The following SETBP1 variants were observed in gnomAD, a reference collection of about 807,000 sequenced individuals.
SETBP1 encodes SET binding protein 1, also known as SET-binding protein.
SETBP1 carries 9 observed loss-of-function variants against 101.0 expected under a neutral mutation model. The observed-to-expected ratio is 0.09, with a 90% CI of 0.05 to 0.16. SETBP1 has a LOEUF of 0.16. Ranked by LOEUF, SETBP1 falls within the 10% of genes least tolerant of loss-of-function variation. SETBP1 has a pLI of 1.00. For missense variants in SETBP1, 1,858 were observed against 2,033.8 expected, an observed-to-expected ratio of 0.91 and a Z score of 1.66; for synonymous variants, 818 against 788.5, an observed-to-expected ratio of 1.04 and a Z score of -0.63.
intron 2 of SETBP1, among the ~76,000 whole-genome samples, chr18:44,709,630 C>G (rs2069296596): frequency 6.6e-6 from 1 of 152,086 alleles, no homozygotes; most frequent in South Asian, 2.1e-4. Flanking sequence ...TGGCATCTCT[C>G]CCTGCGGACC....
rs150150255 is a variant in SETBP1 at position 45,031,387 on chromosome 18, A to G, written c.4001-7098A>G. ...GAAACATTATTTTCTGTTTACCCCA[A>G]TATGTAAACTCCTTTAATCCACACA... On this transcript the variant is annotated intron_variant, in intron 4 of 5. Coordinates refer to ENST00000649279, the MANE Select transcript of SETBP1 (RefSeq NM_015559.3). 4.3e-4 allele frequency among the ~76,000 whole-genome samples: 66 copies of G among 152,312 alleles called. No individual in the cohort carries two copies. The East Asian group carries it at 0.012, about 28-fold the overall frequency.
At chr18:44,800,029 AC>A (rs2071570892) in intron 2 of SETBP1, among the ~76,000 whole-genome samples, 1 of 152,140 alleles carries the variant, frequency 6.6e-6, no homozygotes, top group African/African-American at 2.4e-5. Context: ...TTCATGACTG[AC>A]AAATCATTCC....
At chr18:44,746,625 A>G (rs1461737610) in intron 2 of SETBP1, among the ~76,000 whole-genome samples, 1 of 152,248 alleles carries the variant, frequency 6.6e-6, no homozygotes, top group Non-Finnish European at 1.5e-5. Context: ...TGCTCAGAAC[A>G]TGCAAGGCAT....
intron 2 of SETBP1, among the ~76,000 whole-genome samples, chr18:44,835,879 C>T (rs1345829861): frequency 1.3e-5 from 2 of 152,210 alleles, no homozygotes; most frequent in African/African-American, 4.8e-5. Flanking sequence ...GGCAAAAACT[C>T]CTAGAGTAAG....
rs562039477 is a variant in SETBP1, at chr18:44,810,512, T to C, written c.487-58718T>C. ...TTCACAGTCAGATTCAAGTAACATT[T>C]GAATAATGGAACCCCCAAACAGCAT... On this transcript the variant is annotated intron_variant, in intron 2 of 5. Transcript: ENST00000649279. 1.1e-3 allele frequency among the ~76,000 whole-genome samples: 169 copies of C among 152,344 alleles called. 1 individual carries two copies. The highest frequency in any genetic ancestry group is 1.1e-3 in the Non-Finnish European group (72 of 68,028).
At chr18:44,846,559 C>G (rs372356133) in intron 2 of SETBP1, among the ~76,000 whole-genome samples, 4 of 152,110 alleles carry the variant, frequency 2.6e-5, no homozygotes, top group African/African-American at 9.7e-5. Flanking sequence ...ATATCTGAGC[C>G]TTATATGTTA....
At chr18:44,980,553 G>C (rs2072091316) in intron 4 of SETBP1, among the ~76,000 whole-genome samples, 1 of 151,972 alleles carries the variant, frequency 6.6e-6, no homozygotes, top group Non-Finnish European at 1.5e-5. Context: ...GTTCTGAATA[G>C]CCCCGACCTC....
chr18:45,017,481 A>G (rs937206399), intron 4 of SETBP1, among the ~76,000 whole-genome samples: 4 of 152,214 alleles, frequency 2.6e-5, no homozygotes, highest in African/African-American at 9.6e-5. Flanking sequence ...TAGCTGCATT[A>G]TGGATTGGCA....
chr18:45,032,910 C>A (rs1169418014), intron 4 of SETBP1, among the ~76,000 whole-genome samples: 2 of 152,088 alleles, frequency 1.3e-5, no homozygotes, highest in African/African-American at 4.8e-5. Flanking sequence ...CCACAGCTAC[C>A]CTTATGCTAC....
chr18:44,918,400 C>T (rs1013409031), intron 3 of SETBP1, among the ~76,000 whole-genome samples: 5 of 152,194 alleles, frequency 3.3e-5, no homozygotes, highest in African/African-American at 9.7e-5. Flanking sequence ...TCCTCGGCAG[C>T]GGCCTTCCAG....
intron 5 of SETBP1, among the ~76,000 whole-genome samples, chr18:45,055,348 CCTCT>C (rs1708034333): frequency 6.6e-6 from 1 of 151,902 alleles, no homozygotes; most frequent in African/African-American, 2.4e-5. Context: ...AAATATGTGC[CCTCT>C]TTTTCTTAAA....
At chr18:44,816,480 G>A (rs1036965386) in intron 2 of SETBP1, among the ~76,000 whole-genome samples, 7 of 152,178 alleles carry the variant, frequency 4.6e-5, no homozygotes, top group African/African-American at 1.7e-4. Flanking sequence ...TATGGGAAAG[G>A]CAAGTGGTAA....
At chr18:44,783,305 C>A (rs2071172769) in intron 2 of SETBP1, among the ~76,000 whole-genome samples, 1 of 152,186 alleles carries the variant, frequency 6.6e-6, no homozygotes, top group Non-Finnish European at 1.5e-5. Context: ...AGTGCCACAG[C>A]TTGTTTTTAG....
At chr18:44,799,387 C>G (rs533148500) in intron 2 of SETBP1, among the ~76,000 whole-genome samples, 5 of 152,000 alleles carry the variant, frequency 3.3e-5, no homozygotes, top group Non-Finnish European at 4.4e-5. Flanking sequence ...TTCCGAGAAG[C>G]CTTGCCTATT....
intron 4 of SETBP1, among the ~76,000 whole-genome samples, chr18:45,013,767 C>CGGCTG (rs1478212430): frequency 1.3e-5 from 2 of 152,158 alleles, no homozygotes; most frequent in African/African-American, 2.4e-5. Context: ...AGCCACTGAG[C>CGGCTG]GGCTGTGCCC....
intron 2 of SETBP1, among the ~76,000 whole-genome samples, chr18:44,724,822 C>T (rs2069671670): frequency 6.6e-6 from 1 of 152,118 alleles, no homozygotes; most frequent in Non-Finnish European, 1.5e-5. Context: ...CCTGTTTTCT[C>T]CTCTAATTGA....
In SETBP1 at chr18:45,063,086, C is replaced by A. The variant is rs1388755472; in HGVS notation, c.4179C>A (p.Ser1393=). The A allele has an allele frequency of 6.2e-7, 1 of 1,613,970 alleles. No homozygotes were observed. Among genetic ancestry groups the A allele is most frequent in the South Asian group, 1.1e-5 (1 of 91,062 alleles). ...ASAATSDAVG[S]SLKKRFKRRE... is the part of the protein sequence containing the mutation. ...TCTCTTCCCCTCCCGCAGTCGGCTCCTCCCTGAAGAAGAGGTTCAAGCGGC... is the reference window on the plus strand; with the variant it reads ...TCTCTTCCCCTCCCGCAGTCGGCTCATCCCTGAAGAAGAGGTTCAAGCGGC... Residue 1393 remains serine (S), a synonymous_variant, in exon 6 of 6, where the codon TCC becomes TCA. Transcript: ENST00000649279.
chr18:44,824,281 T>C (rs1260174678), intron 2 of SETBP1, among the ~76,000 whole-genome samples: 3 of 152,184 alleles, frequency 2.0e-5, no homozygotes, highest in Non-Finnish European at 4.4e-5. Context: ...CACCCAACAG[T>C]GCACCCTGCC....
intron 2 of SETBP1, among the ~76,000 whole-genome samples, chr18:44,762,161 CT>C (rs774627422): frequency 6.7e-6 from 1 of 148,882 alleles, no homozygotes; most frequent in African/African-American, 2.5e-5. Flanking sequence ...CTTTTTCCTG[CT>C]TCAGGCTTTC....
Sources: gnomAD v4.1 joint callset for allele counts (sites outside exome capture counted in the v4.1 genomes callset) on GRCh38, gnomAD v4.1.1 for gene constraint, MANE v1.5 for transcripts, NCBI Gene and HGNC (gene_info 2026-07-23, HGNC 2026-07-21) for gene names.